The following UGT1A9 variants were observed in gnomAD, a reference collection of about 807,000 sequenced individuals.
UGT1A9 encodes UDP-glucuronosyltransferase 1A9.
Under a neutral mutation model 45.0 loss-of-function variants are expected in UGT1A9, and 35 were observed. The observed-to-expected ratio is 0.78, with a 90% CI of 0.59 to 1.03. UGT1A9 has a LOEUF of 1.03. Among genes scored for constraint, UGT1A9 ranks in the 50% least tolerant of loss-of-function variants. The pLI is 0.00. For missense variants in UGT1A9, 687 were observed against 666.6 expected (o/e 1.03, Z -0.34); for synonymous variants, 278 against 250.6 (o/e 1.11, Z -1.03).
At chr2:233,745,373 C>A (rs1317791294) in intron 1 of UGT1A9, among the ~76,000 whole-genome samples, 1 of 151,774 alleles carries the variant, frequency 6.6e-6, no homozygotes, top group East Asian at 1.9e-4. Flanking sequence ...GATCTGAGTT[C>A]TCTTCACCTC....
chr2:233,701,292 C>T (rs1285493084), intron 1 of UGT1A9, among the ~76,000 whole-genome samples: 1 of 152,100 alleles, frequency 6.6e-6, no homozygotes. Context: ...GAGGAATCGC[C>T]ACACTGTCTT....
At chr2:233,691,704 TC>T (rs995733225) in intron 1 of UGT1A9, 2 of 946,920 alleles carry the variant, frequency 2.1e-6, no homozygotes, top group African/African-American at 3.5e-5. Flanking sequence ...GAGGAGTCAC[TC>T]CCCTGGCAGA....
At chr2:233,748,671 T>A (rs1418795120) in intron 1 of UGT1A9, among the ~76,000 whole-genome samples, 1 of 151,594 alleles carries the variant, frequency 6.6e-6, no homozygotes, top group Non-Finnish European at 1.5e-5. Flanking sequence ...CAGAGAGGGA[T>A]CTGTGCTGAC....
intron 1 of UGT1A9, among the ~76,000 whole-genome samples, chr2:233,726,473 A>T (rs2077534267): frequency 6.6e-6 from 1 of 152,158 alleles, no homozygotes; most frequent in Non-Finnish European, 1.5e-5. Flanking sequence ...TCTTTAACAG[A>T]AATTTCCTTT....
intron 1 of UGT1A9, among the ~76,000 whole-genome samples, chr2:233,709,459 C>T (rs2076078032): frequency 6.6e-6 from 1 of 152,164 alleles, no homozygotes; most frequent in African/African-American, 2.4e-5. Flanking sequence ...TTAAAGCAAT[C>T]ATTTTGGGGC....
chr2:233,763,286 C>G (rs1023575822), intron 1 of UGT1A9, among the ~76,000 whole-genome samples: 3 of 152,120 alleles, frequency 2.0e-5, no homozygotes, highest in Non-Finnish European at 2.9e-5. Context: ...ATCTGAAATT[C>G]CACTTTTTGG....
rs6742078 is a variant in UGT1A9, at chr2:233,763,993, G to T, written c.856-3041G>T. ...TGTGGGTTACTGGGAATGCGTGATG[G>T]TGAAGTCACAGATGACCCACATGGT... On this transcript the variant is annotated intron_variant, in intron 1 of 4. Transcript: ENST00000354728. 0.36 allele frequency among the ~76,000 whole-genome samples: 54,149 copies of T among 152,126 alleles called. 9,972 individuals carry two copies. Among genetic ancestry groups the T allele is most frequent in the African/African-American group, 0.43 (17,876 of 41,508 alleles).
intron 1 of UGT1A9, chr2:233,682,144 A>G: frequency 6.2e-7 from 1 of 1,614,192 alleles, no homozygotes; most frequent in Non-Finnish European, 8.5e-7. Flanking sequence ...TGGGAAGATC[A>G]CTGAATTGCA....
chr2:233,748,886 T>C (rs559177980), intron 1 of UGT1A9, among the ~76,000 whole-genome samples: 20 of 151,542 alleles, frequency 1.3e-4, no homozygotes, highest in Non-Finnish European at 2.8e-4. Flanking sequence ...TGAATGGACA[T>C]GTGTCCAAGA....
intron 1 of UGT1A9, chr2:233,755,163 G>C: frequency 2.3e-6 from 3 of 1,285,674 alleles, no homozygotes; most frequent in Non-Finnish European, 3.2e-6. Flanking sequence ...CCTGTCCTCG[G>C]GGTTTTTGTC....
At chr2:233,713,415 C>A (rs3755320) in intron 1 of UGT1A9, 158,193 of 1,614,046 alleles carry the variant, frequency 0.098, 8,780 homozygotes, top group South Asian at 0.2. Flanking sequence ...CAGGCACCTG[C>A]ATGCTACTTC....
intron 1 of UGT1A9, among the ~76,000 whole-genome samples, chr2:233,742,394 T>C (rs553013500): frequency 6.6e-6 from 1 of 152,130 alleles, no homozygotes; most frequent in South Asian, 2.1e-4. Flanking sequence ...GCTCATGTTA[T>C]TATTTGTAGT....
chr2:233,720,054 T>A (rs1306889696), intron 1 of UGT1A9, among the ~76,000 whole-genome samples: 1 of 152,204 alleles, frequency 6.6e-6, no homozygotes, highest in African/African-American at 2.4e-5. Context: ...TGAACGGTGA[T>A]GCAACAGTAA....
intron 1 of UGT1A9, chr2:233,729,817 T>C: frequency 4.3e-6 from 7 of 1,613,956 alleles, no homozygotes; most frequent in Non-Finnish European, 5.9e-6. Flanking sequence ...TTCTGCTCCT[T>C]ATGCAAGCCT....
chr2:233,709,130 G>A (rs569076662), intron 1 of UGT1A9, among the ~76,000 whole-genome samples: 60 of 152,068 alleles, frequency 3.9e-4, no homozygotes, highest in Non-Finnish European at 7.9e-4. Flanking sequence ...TGGTGGCCAA[G>A]GGGATGAGAC....
chr2:233,729,775 C>A (rs775577941), intron 1 of UGT1A9: 2 of 1,613,944 alleles, frequency 1.2e-6, no homozygotes, highest in South Asian at 2.2e-5. Context: ...CATGCTCTAC[C>A]CTCTGGCCCT....
chr2:233,757,535 A>AATATAT (rs67292694), intron 1 of UGT1A9, among the ~76,000 whole-genome samples: 2,323 of 88,244 alleles, frequency 0.026, 162 homozygotes, highest in African/African-American at 0.078. Context: ...GCCTGTAAGG[A>AATATAT]ATATATATAT....
chr2:233,747,249 G>T, intron 1 of UGT1A9: 1 of 1,600,822 alleles, frequency 6.2e-7, no homozygotes, highest in Non-Finnish European at 8.5e-7. Context: ...TGCTGTGGCT[G>T]GCCACAGGAG....
At chr2:233,710,950 C>G (rs1381804329) in intron 1 of UGT1A9, among the ~76,000 whole-genome samples, 1 of 152,180 alleles carries the variant, frequency 6.6e-6, no homozygotes, top group Non-Finnish European at 1.5e-5. Context: ...TTGTTTATGT[C>G]TCTGAGATTG....
Sources: gnomAD v4.1 joint callset for allele counts (sites outside exome capture counted in the v4.1 genomes callset) on GRCh38, gnomAD v4.1.1 for gene constraint, MANE v1.5 for transcripts, NCBI Gene and HGNC (gene_info 2026-07-23, HGNC 2026-07-21) for gene names.